DTWD2: variants seen among roughly 807,000 people sequenced by gnomAD.
The protein encoded by DTWD2 is tRNA-uridine aminocarboxypropyltransferase 2.
A neutral mutation model predicts 31.8 loss-of-function variants in DTWD2; 39 were observed. The observed-to-expected ratio is 1.22, with a 90% CI of 0.95 to 1.60. The LOEUF (loss-of-function observed/expected upper bound fraction) is 1.60. DTWD2 is among the 40% of genes most tolerant of loss of function. The pLI, the probability that DTWD2 is intolerant of heterozygous loss-of-function variation, is 0.00. For synonymous variants in DTWD2, 180 were observed against 142.8 expected (o/e 1.26, Z -1.86); for missense variants, 515 against 381.5 (o/e 1.35, Z -2.92).
chr5:118,939,246 G>T lies in DTWD2; in HGVS notation c.354C>A (p.Leu118=). The change falls in exon 3 of 6, where the codon CTC becomes CTA. Residue 118 remains leucine, a synonymous_variant. Coordinates refer to ENST00000510708, the MANE Select transcript of DTWD2 (RefSeq NM_173666.4). ...TCTTCACTTTACACTTGTCCTGGGGGAGGCATGCTGCTAGTAGAGGAACTG... is the reference window on the plus strand; with the variant it reads ...TCTTCACTTTACACTTGTCCTGGGGTAGGCATGCTGCTAGTAGAGGAACTG... ...LRTVPLLAAC[L]PQDKCKVKIG... 3.1e-6 allele frequency: 5 copies of T among 1,601,784 alleles called. No individual in the cohort carries two copies. Among genetic ancestry groups the T allele is most frequent in the Non-Finnish European group, 4.3e-6 (5 of 1,173,598 alleles).
chr5:118,931,440 CTATA>C (rs1006120550), intron 3 of DTWD2, among the ~76,000 whole-genome samples: 3 of 147,620 alleles, frequency 2.0e-5, no homozygotes, highest in Middle Eastern at 3.2e-3. Flanking sequence ...TCTGCAATAG[CTATA>C]TAAACTACAG....
intron 4 of DTWD2, among the ~76,000 whole-genome samples, chr5:118,877,478 A>T (rs984844008): frequency 4.0e-5 from 6 of 151,464 alleles, no homozygotes; most frequent in African/African-American, 1.2e-4. Flanking sequence ...TCTCAAAAAT[A>T]AAAAAAATAA....
chr5:118,860,099 T>C (rs962239811), intron 4 of DTWD2, among the ~76,000 whole-genome samples: 1 of 151,878 alleles, frequency 6.6e-6, no homozygotes, highest in African/African-American at 2.4e-5. Flanking sequence ...GCCAGACTAT[T>C]ACAGAGTGAG....
At chr5:118,942,184 ATTAATAAG>A (rs1472446792) in intron 2 of DTWD2, among the ~76,000 whole-genome samples, 23 of 152,168 alleles carry the variant, frequency 1.5e-4, no homozygotes, top group Non-Finnish European at 2.9e-5. Context: ...GCAGCCCAGT[ATTAATAAG>A]TTAGATGAAA....
At position 118,857,067 on chromosome 5, in the gene DTWD2, G is replaced by A. The variant is rs544455527; in HGVS notation, c.598-8849C>T. On this transcript the variant is annotated intron_variant, in intron 4 of 5. Coordinates refer to ENST00000510708, the MANE Select transcript of DTWD2 (RefSeq NM_173666.4). ...GCTGGGATTACAGGCATGAGCCACC[G>A]CACCCGGCAGCTTAGATTTTTACTG... 1.6e-4 allele frequency among the ~76,000 whole-genome samples: 25 copies of A among 151,904 alleles called. 1 individual carries two copies. Among genetic ancestry groups the A allele is most frequent in the South Asian group, 4.2e-4 (2 of 4,806 alleles).
In DTWD2 at chr5:118,939,184, C is replaced by A. The variant is rs1342632812; in HGVS notation, c.404+12G>T. On this transcript the variant is annotated intron_variant, in intron 3 of 5. Transcript: ENST00000510708. ...AAAAGAATTATTTACATTGCCCTAA[C>A]AGTTAATTTACCTTTCTTCACTGAA... is the stretch of plus-strand genomic sequence containing the variant. The A allele has an allele frequency of 6.3e-7, 1 of 1,594,076 alleles. No individual in the cohort carries two copies. Among genetic ancestry groups the A allele is most frequent in the Non-Finnish European group, 8.5e-7 (1 of 1,170,970 alleles).
intron 3 of DTWD2, among the ~76,000 whole-genome samples, chr5:118,931,203 G>T (rs1753915231): frequency 6.6e-6 from 1 of 151,976 alleles, no homozygotes; most frequent in Admixed American, 6.6e-5. Context: ...CATCAGCCTA[G>T]GCAACACAGT....
At position 118,932,294 on chromosome 5, in the gene DTWD2, T is replaced by C. The variant is rs10042767; in HGVS notation, c.405-3565A>G. 9.4e-3 allele frequency among the ~76,000 whole-genome samples: 1,347 copies of C among 142,710 alleles called. 14 individuals are homozygous for C. Among genetic ancestry groups the C allele is most frequent in the African/African-American group, 0.017 (641 of 38,256 alleles). The allele number at this position is 142,710 out of a possible 152,430, so 93.6% of individuals were successfully genotyped here. A position where few individuals can be genotyped will look rare whatever the true frequency, so the allele number is the denominator to read the frequency against. On this transcript the variant is annotated intron_variant, in intron 3 of 5. Transcript: ENST00000510708. ...GAGCTCAAGACCAGCCTGAGCAATGTAGCAAGACTCTGTCTTGACAAAAAA... is the reference window on the plus strand; with the variant it reads ...GAGCTCAAGACCAGCCTGAGCAATGCAGCAAGACTCTGTCTTGACAAAAAA...
chr5:118,984,478 A>G (rs1018076793), intron 1 of DTWD2, among the ~76,000 whole-genome samples: 32 of 151,618 alleles, frequency 2.1e-4, no homozygotes, highest in African/African-American at 7.5e-4. Flanking sequence ...AAAAAAAAGC[A>G]GCAATCTAAA....
intron 3 of DTWD2, among the ~76,000 whole-genome samples, chr5:118,937,383 CA>C (rs70982459): frequency 0.92 from 121,318 of 132,278 alleles, 55,462 homozygotes; most frequent in East Asian, 0.98. Flanking sequence ...GTTATCACTG[CA>C]AAAAAAAAAA....
intron 1 of DTWD2, among the ~76,000 whole-genome samples, chr5:118,984,234 A>G (rs1278352903): frequency 6.6e-6 from 1 of 152,126 alleles, no homozygotes; most frequent in Non-Finnish European, 1.5e-5. Flanking sequence ...GGTTGCGGTC[A>G]GCCAAGATCA....
At chr5:118,852,609 C>T (rs544733423) in intron 4 of DTWD2, among the ~76,000 whole-genome samples, 3 of 152,272 alleles carry the variant, frequency 2.0e-5, no homozygotes, top group African/African-American at 7.2e-5. Context: ...AATGTTTATA[C>T]ACTGCTTGTG....
At chr5:118,935,925 A>G (rs999872306) in intron 3 of DTWD2, among the ~76,000 whole-genome samples, 2 of 152,210 alleles carry the variant, frequency 1.3e-5, no homozygotes, top group Admixed American at 6.5e-5. Flanking sequence ...ACTACATCTG[A>G]CAACTGAGGA....
chr5:118,973,938 C>T lies in DTWD2; in HGVS notation c.218+14356G>A, dbSNP rs9764357. The T allele has an allele frequency of 1.0e-3, 1,634 of 1,592,198 alleles. 18 individuals are homozygous for T. In the African/African-American group the frequency reaches 0.02, roughly 20 times the overall value. ...AATGAGGAAAATGGGGAGCAGGAGG[C>T]TGACAATGAGGTAGATGAAGAAGAG... On this transcript the variant is annotated intron_variant, in intron 1 of 5. Coordinates refer to ENST00000510708, the MANE Select transcript of DTWD2 (RefSeq NM_173666.4).
chr5:118,975,453 C>T (rs548588611), intron 1 of DTWD2, among the ~76,000 whole-genome samples: 40 of 152,164 alleles, frequency 2.6e-4, no homozygotes, highest in Middle Eastern at 3.4e-3. Flanking sequence ...TCTTAGCTTC[C>T]TTACATTGGG....
intron 4 of DTWD2, among the ~76,000 whole-genome samples, chr5:118,885,116 C>T (rs1307957780): frequency 8.0e-5 from 12 of 150,740 alleles, no homozygotes. Context: ...CAAGACCAGC[C>T]TCGGCAACAT....
chr5:118,940,217 G>A (rs1003993834), intron 2 of DTWD2, among the ~76,000 whole-genome samples: 5 of 152,268 alleles, frequency 3.3e-5, no homozygotes, highest in Non-Finnish European at 7.4e-5. Flanking sequence ...CTTTCTTGTT[G>A]CCACGAGAAT....
chr5:118,965,678 A>C (rs1446296377), intron 1 of DTWD2, among the ~76,000 whole-genome samples: 1 of 152,196 alleles, frequency 6.6e-6, no homozygotes, highest in Non-Finnish European at 1.5e-5. Flanking sequence ...GTGTCCACTC[A>C]GGGTTAAATG....
chr5:118,967,432 C>G (rs1441687445), intron 1 of DTWD2, among the ~76,000 whole-genome samples: 1 of 152,046 alleles, frequency 6.6e-6, no homozygotes, highest in Admixed American at 6.5e-5. Context: ...TACAATAAAC[C>G]AGGGCTTCCT....
Sources: gnomAD v4.1 joint callset for allele counts (sites outside exome capture counted in the v4.1 genomes callset) on GRCh38, gnomAD v4.1.1 for gene constraint, MANE v1.5 for transcripts, NCBI Gene and HGNC (gene_info 2026-07-23, HGNC 2026-07-21) for gene names.